Variants in WLS observed in about 807,000 individuals in gnomAD.
The protein encoded by WLS is protein wntless homolog.
In WLS, 23 loss-of-function variants were observed where a neutral mutation model predicts 62.8. The observed-to-expected ratio is 0.37, with a 90% CI of 0.26 to 0.52. The LOEUF (loss-of-function observed/expected upper bound fraction) is 0.52. Ranked by LOEUF, WLS falls within the 20% of genes least tolerant of loss-of-function variation. WLS has a pLI of 0.92. For missense variants in WLS, 615 were observed against 697.3 expected (o/e 0.88, Z 1.33); for synonymous variants, 246 against 244.1 (o/e 1.01, Z -0.07).
At chr1:68,232,142 A>T in intron 1 of WLS, 52 bp downstream of exon 1, 2 of 1,520,744 alleles carry the variant, frequency 1.3e-6, no homozygotes, top group Admixed American at 3.4e-5. Flanking sequence ...CAAAGAGGGA[A>T]GGGGCCCGAA....
In WLS at chr1:68,159,030, G is replaced by A. The variant is rs17130539; in HGVS notation, c.504+93C>T. 1.3e-3 allele frequency: 2,027 copies of A among 1,522,566 alleles called. 21 individuals are homozygous for A. In the African/African-American group the frequency reaches 0.026, roughly 19 times the overall value. 94.3% of individuals were successfully genotyped at this position (1,522,566 alleles called of 1,614,324 possible). On this transcript the variant is annotated intron_variant, in intron 3 of 11. Coordinates refer to ENST00000262348, the MANE Select transcript of WLS (RefSeq NM_024911.7). ...GGTATTACCAAAGCTGTCCTCATGC[G>A]AAGAAGGGACACACCTATGAAAAGT...
At chr1:68,191,848 T>A (rs1452174438) in intron 2 of WLS, among the ~76,000 whole-genome samples, 6 of 152,122 alleles carry the variant, frequency 3.9e-5, no homozygotes, top group Non-Finnish European at 8.8e-5. Context: ...TCACCAGGCT[T>A]TTCTCTCTTT....
In WLS at chr1:68,125,918, C is replaced by T. The variant is rs138841747; in HGVS notation, c.*308G>A. The T allele has an allele frequency of 6.2e-4, 681 of 1,105,798 alleles. 6 individuals are homozygous for T. The African/African-American group carries it at 0.01, about 17-fold the overall frequency. 68.5% of individuals were successfully genotyped at this position (1,105,798 alleles called of 1,614,324 possible). A position where few individuals can be genotyped will look rare whatever the true frequency, so the allele number is the denominator to read the frequency against. ...CCCCAAGGAATACACCCCCACCCCA[C>T]CCCCACATGAGGTTTACTAACCAGC... On this transcript the variant is annotated 3_prime_UTR_variant, in exon 12 of 12. Transcript: ENST00000262348.
intron 2 of WLS, chr1:68,161,942 TG>T: frequency 1.2e-6 from 2 of 1,610,536 alleles, no homozygotes; most frequent in Non-Finnish European, 1.7e-6. Context: ...TATCTGTATG[TG>T]GCACCATTGA....
Position 68,127,629 on chromosome 1 carries a change from G to C in WLS, c.1517-1294C>G, listed in dbSNP as rs149572780. Among the ~76,000 whole-genome samples, 33 of 152,342 alleles carry C rather than the reference G, an allele frequency of 2.2e-4. No homozygotes were observed. The East Asian group carries it at 4.0e-3, about 19-fold the overall frequency. ...TTGTGGAGAGGGGTGCTGGGGAATA[G>C]AAAGTTAAACTTGTGTCAGTGATTT... On this transcript the variant is annotated intron_variant, in intron 11 of 11. Transcript: ENST00000262348.
intron 10 of WLS, among the ~76,000 whole-genome samples, chr1:68,140,288 G>C (rs968448854): frequency 4.6e-5 from 7 of 152,168 alleles, no homozygotes; most frequent in Non-Finnish European, 1.0e-4. Context: ...GGGTAGGAAT[G>C]CTATCTTAAA....
intron 10 of WLS, among the ~76,000 whole-genome samples, chr1:68,139,585 C>A (rs1646658584): frequency 1.3e-5 from 2 of 152,094 alleles, no homozygotes; most frequent in Admixed American, 6.6e-5. Context: ...GGCAGTGGAC[C>A]CTTCAGCTCA....
At chr1:68,127,388 G>A (rs998160753) in intron 11 of WLS, among the ~76,000 whole-genome samples, 1 of 152,204 alleles carries the variant, frequency 6.6e-6, no homozygotes, top group Non-Finnish European at 1.5e-5. Flanking sequence ...ATTGTCCTAA[G>A]TGTTCTGAAC....
intron 2 of WLS, among the ~76,000 whole-genome samples, chr1:68,193,421 A>C (rs1648464090): frequency 2.9e-5 from 4 of 136,968 alleles, no homozygotes; most frequent in Non-Finnish European, 4.5e-5. Context: ...AAAAAAAAAA[A>C]AAAAAAAAAA....
chr1:68,136,837 A>C (rs1646617903), intron 11 of WLS, among the ~76,000 whole-genome samples: 1 of 152,190 alleles, frequency 6.6e-6, no homozygotes, highest in Non-Finnish European at 1.5e-5. Context: ...GTACTTCCTA[A>C]AGGTGAGGCC....
chr1:68,122,577 CAG>C (rs1208778933), downstream of WLS, among the ~76,000 whole-genome samples: 2 of 152,114 alleles, frequency 1.3e-5, no homozygotes, highest in African/African-American at 2.4e-5. Flanking sequence ...TTTTTAAAAA[CAG>C]ACATCTGTAA....
chr1:68,231,997 C>T (rs556748517), intron 1 of WLS, among the ~76,000 whole-genome samples, 197 bp downstream of exon 1: 39 of 152,076 alleles, frequency 2.6e-4, no homozygotes, highest in African/African-American at 8.2e-4. Flanking sequence ...AACTTTTTCC[C>T]CTCCTTTTCT....
intron 11 of WLS, among the ~76,000 whole-genome samples, chr1:68,107,959 C>G (rs560741193): frequency 6.6e-6 from 1 of 152,104 alleles, no homozygotes; most frequent in Non-Finnish European, 1.5e-5. Flanking sequence ...CCCAGCTCCC[C>G]GGGAGATGAA....
chr1:68,137,588 A>G (rs1646628775), intron 11 of WLS, among the ~76,000 whole-genome samples, 192 bp downstream of exon 11: 1 of 152,202 alleles, frequency 6.6e-6, no homozygotes, highest in Admixed American at 6.5e-5. Context: ...GACTTAAAGA[A>G]AGATCTGGCT....
At chr1:68,211,317 G>GAA (rs34980541) in intron 1 of WLS, among the ~76,000 whole-genome samples, 4 of 132,614 alleles carry the variant, frequency 3.0e-5, no homozygotes, top group Admixed American at 7.4e-5. Flanking sequence ...CTTTGTAAAA[G>GAA]AAAAAAAAAA....
chr1:68,224,588 A>G (rs918143153), intron 1 of WLS, among the ~76,000 whole-genome samples: 1 of 152,088 alleles, frequency 6.6e-6, no homozygotes, highest in Admixed American at 6.5e-5. Flanking sequence ...TTGGCATGTA[A>G]TTTCTGAGGT....
chr1:68,158,552 G>A (rs1469573913), intron 3 of WLS, among the ~76,000 whole-genome samples: 4 of 151,016 alleles, frequency 2.6e-5, no homozygotes, highest in African/African-American at 9.8e-5. Context: ...GAATTGTCTT[G>A]AGCCACACAT....
intron 11 of WLS, among the ~76,000 whole-genome samples, chr1:68,108,835 T>TTTTCTTATGGGGA (rs1646182347): frequency 6.6e-6 from 1 of 152,038 alleles, no homozygotes; most frequent in Non-Finnish European, 1.5e-5. Context: ...ATTGGCACAC[T>TTTTCTTATGGGGA]AAAGATACCA....
chr1:68,099,525 A>G lies in WLS; in HGVS notation c.1511-772T>C, dbSNP rs200423176. 1.4e-4 allele frequency among the ~76,000 whole-genome samples: 21 copies of G among 152,330 alleles called. No individual in the cohort carries two copies. The East Asian group carries it at 3.1e-3, about 22-fold the overall frequency. On this transcript the variant is annotated intron_variant, in intron 11 of 11. Coordinates refer to the WLS transcript ENST00000354777. ...GAGATTGGCTGTAGGACCTTTGTGG[A>G]TGCCAAACTCTGCAGATACTCAAGT... is the stretch of plus-strand genomic sequence containing the variant.
Sources: allele counts gnomAD v4.1 joint callset (sites outside exome capture counted in the v4.1 genomes callset), GRCh38; gene constraint gnomAD v4.1.1; transcripts MANE v1.5; gene names NCBI Gene and HGNC (gene_info 2026-07-23, HGNC 2026-07-21).